The following NEURL1B variants were observed in gnomAD, a reference collection of about 807,000 sequenced individuals.
NEURL1B encodes neuralized E3 ubiquitin protein ligase 1B.
Under a neutral mutation model 37.4 loss-of-function variants are expected in NEURL1B, and 13 were observed. The observed-to-expected ratio is 0.35, with a 90% confidence interval of 0.23 to 0.55. The LOEUF (loss-of-function observed/expected upper bound fraction) is 0.55. NEURL1B is among the 20% of genes least tolerant of loss of function. NEURL1B has a pLI of 0.89. For missense variants in NEURL1B, 790 were observed against 879.2 expected, an observed-to-expected ratio of 0.90 and a Z score of 1.28; for synonymous variants, 432 against 426.6, an observed-to-expected ratio of 1.01 and a Z score of -0.16.
rs1758499559 is a variant in NEURL1B at position 172,686,490 on chromosome 5, A to AT, written c.1424-187dup. Among the ~76,000 whole-genome samples the AT allele has an allele frequency of 6.6e-6, 1 of 152,178 alleles. No individual in the cohort carries two copies. Among genetic ancestry groups the AT allele is most frequent in the Non-Finnish European group, 1.5e-5 (1 of 68,020 alleles). On this transcript the variant is annotated intron_variant, in intron 4 of 4. Coordinates refer to ENST00000369800, the MANE Select transcript of NEURL1B (RefSeq NM_001142651.3). This position sits in a 1 kb window ranked among gnomAD's most constrained non-coding sequence, Gnocchi z 7.9. ...CATTCCAAAGGGTGACGATGGTGGC[A>AT]TTTTATCTTGGTGTTTGGGAGTAGA... is the stretch of plus-strand genomic sequence containing the variant.
chr5:172,690,178 G>C lies in NEURL1B; in HGVS notation c.*3253G>C, dbSNP rs1561657235. ...AAAACACCCCGTTGTTCATGGTCTT[G>C]TGCCCATTCATTCGGAGACTCCTGA... On this transcript the variant is annotated 3_prime_UTR_variant, in exon 5 of 5. Transcript: ENST00000369800. 6.6e-6 allele frequency: 1 copy of C among 152,308 alleles called. No homozygotes were observed. The highest frequency in any genetic ancestry group is 1.5e-5 in the Non-Finnish European group (1 of 68,090). 9.4% of individuals were successfully genotyped at this position (152,308 alleles called of 1,614,324 possible).
chr5:172,664,477 G>A (rs989530030), intron 1 of NEURL1B, among the ~76,000 whole-genome samples: 1 of 151,190 alleles, frequency 6.6e-6, no homozygotes, highest in African/African-American at 2.4e-5. Flanking sequence ...AAAGTTGGGA[G>A]AGGCAGCGGG....
At chr5:172,646,627 G>A (rs1488411938) in intron 1 of NEURL1B, among the ~76,000 whole-genome samples, 6 of 152,162 alleles carry the variant, frequency 3.9e-5, no homozygotes, top group Non-Finnish European at 8.8e-5. Context: ...AACACAGCCT[G>A]GGTTTAAGGA....
Position 172,670,238 on chromosome 5 carries a change from A to T in NEURL1B, c.485A>T (p.Glu162Val), listed in dbSNP as rs1411693504. ...GTGTTCTACAGCGTGAACGACGGCGAGCCGGTGCTCTTCCACTGCGGCGTG... is the reference window on the plus strand; with the variant it reads ...GTGTTCTACAGCGTGAACGACGGCGTGCCGGTGCTCTTCCACTGCGGCGTG... Reference protein sequence around the residue: ...GRVFYSVNDGEPVLFHCGVAV... With the variant: ...GRVFYSVNDGVPVLFHCGVAV... Residue 162 changes from glutamate (E) to valine (V), a missense_variant, in exon 2 of 5, where the codon GAG (glutamate) becomes GTG (valine). By Grantham distance (121) the Glu-to-Val change is moderately radical. Transcript: ENST00000369800. 1.4e-6 allele frequency: 2 copies of T among 1,407,598 alleles called. No individual in the cohort carries two copies. Among genetic ancestry groups the T allele is most frequent in the Non-Finnish European group, 1.8e-6 (2 of 1,084,456 alleles). 87.2% of individuals were successfully genotyped at this position (1,407,598 alleles called of 1,614,324 possible). A position where few individuals can be genotyped will look rare whatever the true frequency, so the allele number is the denominator to read the frequency against.
rs1230778898 is a variant in NEURL1B, at chr5:172,688,208, C to T, written c.*1283C>T. 3 of 152,988 alleles carry T rather than the reference C, an allele frequency of 2.0e-5. No individual in the cohort carries two copies. Among genetic ancestry groups the T allele is most frequent in the Non-Finnish European group, 4.4e-5 (3 of 68,296 alleles). 9.5% of individuals were successfully genotyped at this position (152,988 alleles called of 1,614,324 possible). On this transcript the variant is annotated 3_prime_UTR_variant, in exon 5 of 5. Coordinates refer to ENST00000369800, the MANE Select transcript of NEURL1B (RefSeq NM_001142651.3). This position sits in a 1 kb window ranked among gnomAD's most constrained non-coding sequence, Gnocchi z 4.3. ...GCCCAGGCCTGTCCCTCCCTTCTTG[C>T]CCCCAGTTCTGGGCTCCACCTCTGC...
intron 1 of NEURL1B, among the ~76,000 whole-genome samples, chr5:172,648,699 C>T (rs1223101637): frequency 6.6e-6 from 1 of 152,276 alleles, no homozygotes; most frequent in Non-Finnish European, 1.5e-5. Context: ...TTTGGCAGAA[C>T]TCTGTAAGCA....
Position 172,686,998 on chromosome 5 carries a change from G to C in NEURL1B, c.*73G>C. The C allele has an allele frequency of 6.8e-7, 1 of 1,478,996 alleles. No individual in the cohort carries two copies. The highest frequency in any genetic ancestry group is 1.4e-5 in the African/African-American group (1 of 71,784). 91.6% of individuals were successfully genotyped at this position (1,478,996 alleles called of 1,614,324 possible). On this transcript the variant is annotated 3_prime_UTR_variant, in exon 5 of 5. Coordinates refer to ENST00000369800, the MANE Select transcript of NEURL1B (RefSeq NM_001142651.3). The surrounding 1 kb of genome is among the most constrained non-coding windows in gnomAD (Gnocchi z 7.9). ...GGCCCCCTGGGCTGGGCAACCACAT[G>C]GCTGCCAGGGAGTCCACGGGCAGCG...
At chr5:172,667,296 AT>A (rs1758034799) in intron 1 of NEURL1B, among the ~76,000 whole-genome samples, 1 of 149,386 alleles carries the variant, frequency 6.7e-6, no homozygotes, top group Non-Finnish European at 1.5e-5. Context: ...AAAAAAAAAA[AT>A]TAGCCAAGCA....
intron 2 of NEURL1B, among the ~76,000 whole-genome samples, chr5:172,673,814 C>CAA (rs34986749): frequency 0.36 from 44,868 of 123,978 alleles, 8,070 homozygotes; most frequent in South Asian, 0.52. Context: ...CGTACTTATG[C>CAA]AAAAAAAAAA....
Position 172,675,509 on chromosome 5 carries a change from C to T in NEURL1B, c.577+5179C>T, listed in dbSNP as rs1758216457. ...TCCATCCTGAGAGGCTTAGATTTCT[C>T]GAGATGCTCCTCAGGGCCAAAGAGA... On this transcript the variant is annotated intron_variant, in intron 2 of 4. Transcript: ENST00000369800. The surrounding 1 kb of genome is among the most constrained non-coding windows in gnomAD (Gnocchi z 4.7). Among the ~76,000 whole-genome samples, 1 of 152,074 alleles carries T rather than the reference C, an allele frequency of 6.6e-6. No homozygotes were observed. The highest frequency in any genetic ancestry group is 1.5e-5 in the Non-Finnish European group (1 of 68,020).
rs1340401748 is a variant in NEURL1B, at chr5:172,654,318, TCTG to T, written c.31+12884_31+12886del. 7.9e-5 allele frequency among the ~76,000 whole-genome samples: 12 copies of T among 152,350 alleles called. No homozygotes were observed. In the East Asian group the frequency reaches 2.3e-3, roughly 29 times the overall value. On this transcript the variant is annotated intron_variant, in intron 1 of 4. Transcript: ENST00000369800. The stretch of plus-strand genomic sequence containing the variant: ...CCAATTATTAGGCAATTTTCCTAAC[TCTG>T]CTTTTACAAGAGTTTCCTTATCAAT...
intron 1 of NEURL1B, among the ~76,000 whole-genome samples, chr5:172,663,871 G>C (rs1419437182): frequency 1.5e-5 from 1 of 65,948 alleles, no homozygotes; most frequent in Non-Finnish European, 3.8e-5. Context: ...CCAGTGACAG[G>C]GTATCTGTAT....
intron 2 of NEURL1B, among the ~76,000 whole-genome samples, chr5:172,681,634 G>T (rs1428300326): frequency 6.6e-6 from 1 of 152,220 alleles, no homozygotes; most frequent in African/African-American, 2.4e-5. Context: ...GGCCAGGGCA[G>T]AATTCAGGTC....
chr5:172,645,884 C>T (rs1036190175), intron 1 of NEURL1B, among the ~76,000 whole-genome samples: 1 of 152,208 alleles, frequency 6.6e-6, no homozygotes, highest in Admixed American at 6.5e-5. Context: ...ACACTCCACG[C>T]AAGGCCTGGC....
At chr5:172,658,594 G>C (rs1757837328) in intron 1 of NEURL1B, among the ~76,000 whole-genome samples, 1 of 152,152 alleles carries the variant, frequency 6.6e-6, no homozygotes, top group African/African-American at 2.4e-5. Context: ...TTCCCTGCAG[G>C]GATGACTTCT....
At chr5:172,674,661 C>T (rs568659290) in intron 2 of NEURL1B, among the ~76,000 whole-genome samples, 32 of 152,278 alleles carry the variant, frequency 2.1e-4, no homozygotes, top group African/African-American at 4.6e-4. Context: ...GTTGTGCTAA[C>T]GATTCCCTTT....
chr5:172,661,034 C>A lies in NEURL1B; in HGVS notation c.32-8751C>A, dbSNP rs1581426452. 6.6e-6 allele frequency among the ~76,000 whole-genome samples: 1 copy of A among 152,226 alleles called. No individual in the cohort carries two copies. The highest frequency in any genetic ancestry group is 1.9e-4 in the East Asian group (1 of 5,190). On this transcript the variant is annotated intron_variant, in intron 1 of 4. Transcript: ENST00000369800. This position sits in a 1 kb window ranked among gnomAD's most constrained non-coding sequence, Gnocchi z 4.0. ...TGGCCCCTCTGGATATGGCGGGAAG[C>A]CTTGCTAAATACCAGCCTTGCCTTT... is the stretch of plus-strand genomic sequence containing the variant.
intron 1 of NEURL1B, among the ~76,000 whole-genome samples, chr5:172,648,118 G>A (rs532967921): frequency 9.8e-5 from 15 of 152,320 alleles, no homozygotes; most frequent in African/African-American, 3.4e-4. Context: ...AACCGCACAG[G>A]CTGGAGTCCT....
At position 172,641,945 on chromosome 5, in the gene NEURL1B, G is replaced by T. The variant is rs1163308636; in HGVS notation, c.31+508G>T. On this transcript the variant is annotated intron_variant, in intron 1 of 4. Transcript: ENST00000369800. This position sits in a 1 kb window ranked among gnomAD's most constrained non-coding sequence, Gnocchi z 6.4. ...TGCCGTGCTTTGGCCACGTTCCCAC[G>T]CGCACCCCGGTTGCGCCCCCCTCTG... 6.6e-6 allele frequency among the ~76,000 whole-genome samples: 1 copy of T among 152,198 alleles called. No homozygotes were observed. Among genetic ancestry groups the T allele is most frequent in the Non-Finnish European group, 1.5e-5 (1 of 68,034 alleles).
Sources: gnomAD v4.1 joint callset for allele counts (sites outside exome capture counted in the v4.1 genomes callset) on GRCh38, gnomAD v4.1.1 for gene constraint, Gnocchi (gnomAD v3.1) non-coding constraint, MANE v1.5 for transcripts, NCBI Gene and HGNC (gene_info 2026-07-23, HGNC 2026-07-21) for gene names.